The following ZNF197 variants were observed in gnomAD, a reference collection of about 807,000 sequenced individuals.
ZNF197 encodes zinc finger protein 197, also known as VHL-associated KRAB-A domain-containing protein.
ZNF197 carries 14 observed loss-of-function variants against 27.4 expected under a neutral mutation model. The ratio of observed to expected loss-of-function variants is 0.51; its 90% CI spans 0.34 to 0.80. ZNF197 has a LOEUF of 0.80. ZNF197 is among the 30% of genes least tolerant of loss of function. ZNF197 has a pLI of 0.02. For missense variants in ZNF197, 1,090 were observed against 1,222.6 expected (o/e 0.89, Z 1.62); for synonymous variants, 415 against 420.0 (o/e 0.99, Z 0.15).
chr3:44,632,799 G>A (rs1702085448), intron 5 of ZNF197, among the ~76,000 whole-genome samples, 200 bp downstream of exon 5: 1 of 151,896 alleles, frequency 6.6e-6, no homozygotes, highest in African/African-American at 2.4e-5. Flanking sequence ...ATGTTTGAGG[G>A]ATTTTTTACA....
chr3:44,645,988 G>T lies in ZNF197; in HGVS notation c.*1768G>T. On this transcript the variant is annotated 3_prime_UTR_variant, in exon 6 of 6. Coordinates refer to ENST00000344387, the MANE Select transcript of ZNF197 (RefSeq NM_006991.5). ...AATAATACCTGAATATGAAGATTGTGTTTTTTAATAATGTCAAAGTGGTGT... is the reference window on the plus strand; with the variant it reads ...AATAATACCTGAATATGAAGATTGTTTTTTTTAATAATGTCAAAGTGGTGT... The T allele has an allele frequency of 1.0e-6, 1 of 985,408 alleles. No homozygotes were observed. The highest frequency in any genetic ancestry group is 1.2e-6 in the Non-Finnish European group (1 of 829,916). 61.0% of individuals were successfully genotyped at this position (985,408 alleles called of 1,614,324 possible). A position where few individuals can be genotyped will look rare whatever the true frequency, so the allele number is the denominator to read the frequency against.
rs35139527 is a variant in ZNF197, at chr3:44,635,168, TAAA to T, written c.769+2582_769+2584del. The stretch of plus-strand genomic sequence containing the variant: ...TTCCAGATAGGTCTAAGAGTTAAAC[TAAA>T]AAAAAAAAAAAACCAATAAAATAAT... On this transcript the variant is annotated intron_variant, in intron 5 of 5. Coordinates refer to ENST00000344387, the MANE Select transcript of ZNF197 (RefSeq NM_006991.5). 1.5e-3 allele frequency among the ~76,000 whole-genome samples: 195 copies of T among 129,554 alleles called. 2 individuals carry two copies. Among genetic ancestry groups the T allele is most frequent in the African/African-American group, 5.5e-3 (188 of 34,414 alleles). The allele number at this position is 129,554 out of a possible 152,430, so 85.0% of individuals were successfully genotyped here.
Position 44,629,285 on chromosome 3 carries a change from A to C in ZNF197, c.131A>C (p.His44Pro). The change falls in exon 2 of 6, where the codon CAC becomes CCC. Residue 44 changes from histidine to proline, a missense_variant. Coordinates refer to ENST00000344387, the MANE Select transcript of ZNF197 (RefSeq NM_006991.5). ...SSSVWETSHL[H>P]FRQLRYHETS... is the part of the protein sequence containing the mutation. ...TCTGTTTGGGAGACCTCCCACCTAC[A>C]CTTTAGACAATTACGTTACCATGAG... 6.2e-7 allele frequency: 1 copy of C among 1,614,122 alleles called. No individual in the cohort carries two copies. Among genetic ancestry groups the C allele is most frequent in the Non-Finnish European group, 8.5e-7 (1 of 1,180,010 alleles).
chr3:44,648,085 A>C lies in ZNF197; in HGVS notation c.*3865A>C, dbSNP rs1703063676. On this transcript the variant is annotated 3_prime_UTR_variant, in exon 6 of 6. Transcript: ENST00000344387. ...CCAACAATGGCAACGAAAACCCAAA[A>C]CTAAAGAGCTGTAACCAACTAAAGT... The C allele has an allele frequency of 6.6e-6, 1 of 152,224 alleles. No homozygotes were observed. The highest frequency in any genetic ancestry group is 2.1e-4 in the South Asian group (1 of 4,832). The allele number at this position is 152,224 out of a possible 1,614,324, so 9.4% of individuals were successfully genotyped here.
rs142897775 is a variant in ZNF197, at chr3:44,643,743, A to G, written c.2613A>G (p.Glu871=). 1.1e-5 allele frequency: 18 copies of G among 1,614,064 alleles called. No individual in the cohort carries two copies. The highest frequency in any genetic ancestry group is 1.5e-5 in the Non-Finnish European group (18 of 1,180,006). The change falls in exon 6 of 6, where the codon GAA becomes GAG. Residue 871 remains glutamate, a synonymous_variant. Transcript: ENST00000344387. ...AACATCAAAGAATTCACAGTGGAGA[A>G]AAAACCTACGAATGTCATGTATGTA... ...LIEHQRIHSG[E]KTYECHVCRK...
chr3:44,627,356 T>A (rs1405766935), intron 1 of ZNF197, among the ~76,000 whole-genome samples: 1 of 152,196 alleles, frequency 6.6e-6, no homozygotes, highest in Admixed American at 6.5e-5. Context: ...AGAATTTAAC[T>A]TCTGTTCACC....
chr3:44,641,902 T>C lies in ZNF197; in HGVS notation c.772T>C (p.Trp258Arg), dbSNP rs562211244. The change falls in exon 6 of 6, where the codon TGG (tryptophan) becomes CGG (arginine). Residue 258 changes from tryptophan (W) to arginine (R), a missense_variant and splice_region_variant. Transcript: ENST00000344387. ...GCATTTTTAATTCCTTTTACCAGAATGGGAGACCATGACCGAGAATGAGGA... is the reference window on the plus strand; with the variant it reads ...GCATTTTTAATTCCTTTTACCAGAACGGGAGACCATGACCGAGAATGAGGA... ...ENYGNVTSLE[W>R]ETMTENEEVT... The C allele has an allele frequency of 1.9e-6, 3 of 1,584,270 alleles. No individual in the cohort carries two copies. The highest frequency in any genetic ancestry group is 1.4e-5 in the African/African-American group (1 of 73,018).
At position 44,642,177 on chromosome 3, in the gene ZNF197, C is replaced by G. The variant is rs763628423; in HGVS notation, c.1047C>G (p.Asp349Glu). The change falls in exon 6 of 6, where the codon GAC (aspartate) becomes GAG (glutamate). Residue 349 changes from aspartate (D) to glutamate (E), a missense_variant. Physicochemically the swap from Asp to Glu is conservative, Grantham distance 45. Transcript: ENST00000344387. ...KQGQKWKELG[D>E]SLTFGSAISE... ...GCCAAAAGTGGAAGGAATTAGGAGA[C>G]AGCTTGACTTTCGGTTCAGCTATTT... 1.9e-6 allele frequency: 3 copies of G among 1,614,124 alleles called. No individual in the cohort carries two copies. Among genetic ancestry groups the G allele is most frequent in the East Asian group, 4.5e-5 (2 of 44,870 alleles).
In ZNF197 at chr3:44,640,937, TG is replaced by T. The variant is rs1702562240; in HGVS notation, c.770-961del. Among the ~76,000 whole-genome samples, 1 of 152,212 alleles carries T rather than the reference TG, an allele frequency of 6.6e-6. No homozygotes were observed. The highest frequency in any genetic ancestry group is 6.5e-5 in the Admixed American group (1 of 15,280). On this transcript the variant is annotated intron_variant, in intron 5 of 5. Transcript: ENST00000344387. The surrounding 1 kb of genome is among the most constrained non-coding windows in gnomAD (Gnocchi z 4.0). ...TAAAGAAATGTATAATGAAATAAAA[TG>T]GCTGCACTCTTGTCTTCTCTCTCTG... is the stretch of plus-strand genomic sequence containing the variant.
At chr3:44,626,351 A>G (rs1701660059) in intron 1 of ZNF197, among the ~76,000 whole-genome samples, 1 of 151,694 alleles carries the variant, frequency 6.6e-6, no homozygotes, top group African/African-American at 2.4e-5. Flanking sequence ...CTTCATGCTC[A>G]GAGTGAAAAA....
At position 44,632,051 on chromosome 3, in the gene ZNF197, G is replaced by A. The variant is rs1702043555; in HGVS notation, c.551-54G>A. On this transcript the variant is annotated intron_variant, in intron 3 of 5. Coordinates refer to ENST00000344387, the MANE Select transcript of ZNF197 (RefSeq NM_006991.5). ...TGTGTTATTCCAGCTCTGCAAGTGG[G>A]GTCACTCAGAAAAGGTTTGTAGGTC... 8.7e-6 allele frequency: 13 copies of A among 1,494,900 alleles called. No homozygotes were observed. The South Asian group carries it at 1.2e-4, about 14-fold the overall frequency. 92.6% of individuals were successfully genotyped at this position (1,494,900 alleles called of 1,614,324 possible). A position where few individuals can be genotyped will look rare whatever the true frequency, so the allele number is the denominator to read the frequency against.
Position 44,642,077 on chromosome 3 carries a change from A to G in ZNF197, c.947A>G (p.Glu316Gly), listed in dbSNP as rs141396606. The G allele has an allele frequency of 1.4e-5, 22 of 1,614,060 alleles. No homozygotes were observed. The African/African-American group carries it at 2.8e-4, about 21-fold the overall frequency. Residue 316 changes from glutamate to glycine, a missense_variant, in exon 6 of 6, where the codon GAA becomes GGA. Coordinates refer to ENST00000344387, the MANE Select transcript of ZNF197 (RefSeq NM_006991.5). ...LASQWGNETD[E>G]RADTVKKVSL... is the part of the protein sequence containing the mutation. ...AGTCAGTGGGGAAATGAAACAGATG[A>G]AAGGGCAGATACAGTGAAGAAAGTT...
intron 5 of ZNF197, among the ~76,000 whole-genome samples, chr3:44,637,794 G>A (rs1319736984): frequency 2.0e-5 from 3 of 152,122 alleles, no homozygotes; most frequent in Non-Finnish European, 4.4e-5. Context: ...TATTTCTAAA[G>A]TCTCAAATCT....
At chr3:44,634,031 A>G (rs1702145984) in intron 5 of ZNF197, among the ~76,000 whole-genome samples, 1 of 152,228 alleles carries the variant, frequency 6.6e-6, no homozygotes, top group Admixed American at 6.5e-5. Flanking sequence ...ACTTTGATAC[A>G]TATTACCAAA....
chr3:44,625,397 C>G (rs571119951), intron 1 of ZNF197, among the ~76,000 whole-genome samples: 53 of 152,206 alleles, frequency 3.5e-4, no homozygotes, highest in Non-Finnish European at 6.6e-4. Context: ...GTCTAACGGA[C>G]TCTGCTGGCG....
At position 44,646,690 on chromosome 3, in the gene ZNF197, T is replaced by C; in HGVS notation, c.*2470T>C. 1.8e-6 allele frequency: 1 copy of C among 563,134 alleles called. No homozygotes were observed. The highest frequency in any genetic ancestry group is 3.2e-6 in the Non-Finnish European group (1 of 314,526). 34.9% of individuals were successfully genotyped at this position (563,134 alleles called of 1,614,324 possible). A position where few individuals can be genotyped will look rare whatever the true frequency, so the allele number is the denominator to read the frequency against. On this transcript the variant is annotated 3_prime_UTR_variant, in exon 6 of 6. Coordinates refer to ENST00000344387, the MANE Select transcript of ZNF197 (RefSeq NM_006991.5). ...TATTATACCATTCTCTGCTTTTGTG[T>C]ATGTATGAAAATTTCGATATGAAAG... is the stretch of plus-strand genomic sequence containing the variant.
chr3:44,645,229 G>T lies in ZNF197; in HGVS notation c.*1009G>T. 1 of 985,162 alleles carries T rather than the reference G, an allele frequency of 1.0e-6. No homozygotes were observed. Among genetic ancestry groups the T allele is most frequent in the Non-Finnish European group, 1.2e-6 (1 of 829,724 alleles). 61.0% of individuals were successfully genotyped at this position (985,162 alleles called of 1,614,324 possible). On this transcript the variant is annotated 3_prime_UTR_variant, in exon 6 of 6. Coordinates refer to ENST00000344387, the MANE Select transcript of ZNF197 (RefSeq NM_006991.5). ...AAGGATCTTTGTGAAAGTACTTTTT[G>T]AAATCATTCAGTTGTCAATAAAGTT...
At chr3:44,629,726 A>G (rs1421369120) in intron 2 of ZNF197, among the ~76,000 whole-genome samples, 182 bp downstream of exon 2, 4 of 152,234 alleles carry the variant, frequency 2.6e-5, no homozygotes, top group Admixed American at 1.3e-4. Context: ...GTCTGTAGAG[A>G]AACGGATTTA....
chr3:44,631,349 G>T, intron 3 of ZNF197, 128 bp downstream of exon 3: 1 of 1,189,310 alleles, frequency 8.4e-7, no homozygotes, highest in Non-Finnish European at 1.2e-6. Flanking sequence ...ATTTCTTTCT[G>T]CTGTTCTGTT....
Sources: allele counts gnomAD v4.1 joint callset (sites outside exome capture counted in the v4.1 genomes callset), GRCh38; gene constraint gnomAD v4.1.1; non-coding constraint Gnocchi (gnomAD v3.1); transcripts MANE v1.5; gene names NCBI Gene and HGNC (gene_info 2026-07-23, HGNC 2026-07-21).